The following RETREG1 variants were observed in gnomAD, a reference collection of about 807,000 sequenced individuals.
RETREG1 encodes the protein reticulophagy regulator 1.
RETREG1 carries 44 observed loss-of-function variants against 54.8 expected under a neutral mutation model. The observed-to-expected ratio is 0.80, with a 90% CI of 0.63 to 1.03. The LOEUF (loss-of-function observed/expected upper bound fraction) is 1.03, where lower values mean the gene tolerates loss of function less well. RETREG1 is among the 50% of genes least tolerant of loss of function. The probability of loss-of-function intolerance (pLI) is 0.00; values close to 1 mark genes in which losing one functional copy is unlikely to be tolerated. For synonymous variants in RETREG1, 217 were observed against 238.5 expected (o/e 0.91, Z 0.83); for missense variants, 554 against 605.1 (o/e 0.92, Z 0.89).
chr5:16,603,545 T>C (rs1287211960), intron 1 of RETREG1, among the ~76,000 whole-genome samples: 1 of 152,018 alleles, frequency 6.6e-6, no homozygotes, highest in Non-Finnish European at 1.5e-5. Flanking sequence ...ACAGTCCTGG[T>C]GGGAGAGCGG....
In RETREG1 at chr5:16,498,998, A is replaced by C. The variant is rs530169636; in HGVS notation, c.459-15526T>G. On this transcript the variant is annotated intron_variant, in intron 3 of 8. Coordinates refer to ENST00000306320, the MANE Select transcript of RETREG1 (RefSeq NM_001034850.3). ...TGTAATAACGCTTACCCTAAAACAC[A>C]CATTGTATAGCTCTACAAAATTTTT... Among the ~76,000 whole-genome samples the C allele has an allele frequency of 1.6e-4, 24 of 152,010 alleles. 1 individual carries two copies. The East Asian group carries it at 4.1e-3, about 26-fold the overall frequency.
At chr5:16,513,817 C>T (rs1357895786) in intron 3 of RETREG1, among the ~76,000 whole-genome samples, 2 of 152,208 alleles carry the variant, frequency 1.3e-5, no homozygotes, top group African/African-American at 4.8e-5. Context: ...TGACTGAAAC[C>T]CCTGTTCTCA....
chr5:16,564,805 G>A (rs1741963698), intron 3 of RETREG1, among the ~76,000 whole-genome samples: 1 of 152,228 alleles, frequency 6.6e-6, no homozygotes, highest in African/African-American at 2.4e-5. Flanking sequence ...CAAGCAAGCA[G>A]TTGTAAACAG....
intron 3 of RETREG1, among the ~76,000 whole-genome samples, chr5:16,557,597 A>C (rs1316997488): frequency 6.6e-6 from 1 of 151,990 alleles, no homozygotes; most frequent in Non-Finnish European, 1.5e-5. Context: ...AAGGGCTTTG[A>C]CTCTCTATTG....
In RETREG1 at chr5:16,547,728, T is replaced by G. The variant is rs945721431; in HGVS notation, c.458+18035A>C. 2.4e-4 allele frequency among the ~76,000 whole-genome samples: 36 copies of G among 152,196 alleles called. 1 individual carries two copies. The highest frequency in any genetic ancestry group is 7.3e-5 in the Non-Finnish European group (5 of 68,030). On this transcript the variant is annotated intron_variant, in intron 3 of 8. Coordinates refer to ENST00000306320, the MANE Select transcript of RETREG1 (RefSeq NM_001034850.3). ...GGCAGGTTTTACAAACCCCTTTAGC[T>G]CTGAATATGTGAACACGCACACATA...
chr5:16,563,288 C>A (rs1193319973), intron 3 of RETREG1, among the ~76,000 whole-genome samples: 1 of 152,180 alleles, frequency 6.6e-6, no homozygotes, highest in South Asian at 2.1e-4. Context: ...GACAAGGTCT[C>A]GCTCTGTTGC....
At chr5:16,516,541 C>T (rs1029357823) in intron 3 of RETREG1, among the ~76,000 whole-genome samples, 1 of 152,170 alleles carries the variant, frequency 6.6e-6, no homozygotes, top group Non-Finnish European at 1.5e-5. Context: ...CGCATCTTAG[C>T]ACATTTCCCC....
intron 3 of RETREG1, among the ~76,000 whole-genome samples, chr5:16,498,320 C>A (rs536369639): frequency 6.6e-6 from 1 of 152,322 alleles, no homozygotes; most frequent in East Asian, 1.9e-4. Context: ...CTGTACAGCA[C>A]TCTACTGTAC....
chr5:16,533,884 C>A (rs909428919), intron 3 of RETREG1, among the ~76,000 whole-genome samples: 1 of 152,164 alleles, frequency 6.6e-6, no homozygotes, highest in Non-Finnish European at 1.5e-5. Context: ...TATCGACCAC[C>A]GTCCTCGCCA....
At chr5:16,589,462 C>T (rs1245419918) in intron 1 of RETREG1, among the ~76,000 whole-genome samples, 1 of 152,174 alleles carries the variant, frequency 6.6e-6, no homozygotes, top group Non-Finnish European at 1.5e-5. Flanking sequence ...GCAACCTCCA[C>T]CTCCCGGGTT....
chr5:16,492,235 A>T (rs1379677826), intron 3 of RETREG1, among the ~76,000 whole-genome samples: 28 of 130,572 alleles, frequency 2.1e-4, no homozygotes, highest in African/African-American at 6.9e-4. Flanking sequence ...TCTCTCACAC[A>T]CACACACACA....
At chr5:16,487,334 C>A (rs1419592264) in intron 3 of RETREG1, among the ~76,000 whole-genome samples, 3 of 152,110 alleles carry the variant, frequency 2.0e-5, no homozygotes, top group African/African-American at 7.2e-5. Context: ...TATCCATCTC[C>A]CCTCCCTCTC....
At chr5:16,506,115 G>A (rs984391073) in intron 3 of RETREG1, among the ~76,000 whole-genome samples, 2 of 152,240 alleles carry the variant, frequency 1.3e-5, no homozygotes, top group African/African-American at 2.4e-5. Flanking sequence ...ACCAGGGCAC[G>A]CATGGCAGTC....
chr5:16,483,475 A>C lies in RETREG1; in HGVS notation c.459-3T>G. 1 of 1,612,814 alleles carries C rather than the reference A, an allele frequency of 6.2e-7. No homozygotes were observed. The highest frequency in any genetic ancestry group is 8.5e-7 in the Non-Finnish European group (1 of 1,179,140). ...GTTTGGAATTGATAACTTCCCAGCT[A>C]AAGAGACAAAAAGAAAAAAAATACT... On this transcript the variant is annotated splice_polypyrimidine_tract_variant and splice_region_variant and intron_variant, in intron 3 of 8. Coordinates refer to ENST00000306320, the MANE Select transcript of RETREG1 (RefSeq NM_001034850.3).
intron 3 of RETREG1, among the ~76,000 whole-genome samples, chr5:16,555,256 A>G (rs1471253696): frequency 6.6e-6 from 1 of 152,114 alleles, no homozygotes; most frequent in African/African-American, 2.4e-5. Flanking sequence ...GGCTCAAGCA[A>G]TTCTCCTGCC....
Position 16,516,460 on chromosome 5 carries a change from T to A in RETREG1, c.459-32988A>T, listed in dbSNP as rs138682968. On this transcript the variant is annotated intron_variant, in intron 3 of 8. Transcript: ENST00000306320. ...AACCGAATCTCCAGAAGAACTTGCT[T>A]CAAAATGCAGATCCTGAGTCCCAGT... is the stretch of plus-strand genomic sequence containing the variant. 3.9e-5 allele frequency among the ~76,000 whole-genome samples: 6 copies of A among 152,330 alleles called. No homozygotes were observed. The East Asian group carries it at 1.2e-3, about 29-fold the overall frequency.
At chr5:16,523,867 C>T (rs1208487693) in intron 3 of RETREG1, among the ~76,000 whole-genome samples, 1 of 152,144 alleles carries the variant, frequency 6.6e-6, no homozygotes, top group Non-Finnish European at 1.5e-5. Flanking sequence ...TAATCCAGTG[C>T]TCTGTGATTT....
chr5:16,502,998 C>T (rs1739779385), intron 3 of RETREG1, among the ~76,000 whole-genome samples: 1 of 152,232 alleles, frequency 6.6e-6, no homozygotes, highest in African/African-American at 2.4e-5. Context: ...CATGGCCAAC[C>T]ATAGCAGCTG....
chr5:16,518,616 T>C (rs1740435958), intron 3 of RETREG1, among the ~76,000 whole-genome samples: 1 of 152,190 alleles, frequency 6.6e-6, no homozygotes, highest in South Asian at 2.1e-4. Context: ...GTAAGGAGAC[T>C]TTCCAGGGTT....
Sources: gnomAD v4.1 joint callset for allele counts (sites outside exome capture counted in the v4.1 genomes callset) on GRCh38, gnomAD v4.1.1 for gene constraint, MANE v1.5 for transcripts, NCBI Gene and HGNC (gene_info 2026-07-23, HGNC 2026-07-21) for gene names.